KCNN2: variants seen among roughly 807,000 people sequenced by gnomAD.
KCNN2 encodes the protein potassium calcium-activated channel subfamily N member 2.
Under a neutral mutation model 55.5 loss-of-function variants are expected in KCNN2, and 24 were observed. The ratio of observed to expected loss-of-function variants is 0.43; its 90% confidence interval spans 0.31 to 0.61. The LOEUF is 0.61. Ranked by LOEUF, KCNN2 falls within the 20% of genes least tolerant of loss-of-function variation. The probability of loss-of-function intolerance (pLI) is 0.08; values close to 1 mark genes in which losing one functional copy is unlikely to be tolerated. For synonymous variants in KCNN2, 431 were observed against 336.1 expected, an observed-to-expected ratio of 1.28 and a Z score of -3.09; for missense variants, 754 against 853.6, an observed-to-expected ratio of 0.88 and a Z score of 1.45.
intron 2 of KCNN2, among the ~76,000 whole-genome samples, chr5:114,373,776 C>T (rs1757847815): frequency 6.8e-6 from 1 of 146,948 alleles, no homozygotes; most frequent in Admixed American, 6.9e-5. Flanking sequence ...AGCTCAGCTT[C>T]TCTGGGCTTT....
chr5:114,484,510 T>A (rs1762366136), intron 5 of KCNN2, among the ~76,000 whole-genome samples: 1 of 152,204 alleles, frequency 6.6e-6, no homozygotes, highest in African/African-American at 2.4e-5. Context: ...TCCCCATTTT[T>A]CCTGGAAGTT....
intron 1 of KCNN2, among the ~76,000 whole-genome samples, chr5:114,065,592 AGTCTTGACTG>A (rs1750428002): frequency 6.6e-6 from 1 of 152,218 alleles, no homozygotes; most frequent in African/African-American, 2.4e-5. Flanking sequence ...ATGCAATATT[AGTCTTGACTG>A]GTCTTTTCCC....
intron 1 of KCNN2, among the ~76,000 whole-genome samples, chr5:114,189,253 C>A (rs192889272): frequency 6.6e-6 from 1 of 151,770 alleles, no homozygotes; most frequent in Non-Finnish European, 1.5e-5. Flanking sequence ...GGCAGAGACC[C>A]AGGAGAGTCA....
chr5:114,421,766 T>G (rs1759478263), intron 3 of KCNN2, among the ~76,000 whole-genome samples: 1 of 151,976 alleles, frequency 6.6e-6, no homozygotes, highest in African/African-American at 2.4e-5. Flanking sequence ...CCCGCCACCA[T>G]GCCCAGCTAA....
intron 2 of KCNN2, among the ~76,000 whole-genome samples, chr5:114,258,554 C>T (rs1302324464): frequency 6.6e-6 from 1 of 151,932 alleles, no homozygotes; most frequent in Non-Finnish European, 1.5e-5. Flanking sequence ...TCTATTTCTT[C>T]CTGGTTCAAT....
At chr5:114,088,907 C>CTT (rs1294065382) in intron 1 of KCNN2, among the ~76,000 whole-genome samples, 3 of 152,348 alleles carry the variant, frequency 2.0e-5, no homozygotes, top group Admixed American at 6.5e-5. Flanking sequence ...AGGCGTGAGC[C>CTT]ACTGCGCCCA....
chr5:114,131,514 T>G (rs1057369404), intron 1 of KCNN2, among the ~76,000 whole-genome samples: 2 of 152,232 alleles, frequency 1.3e-5, no homozygotes, highest in African/African-American at 4.8e-5. Context: ...CACATTTTAT[T>G]TATCCAGTGT....
chr5:114,292,718 A>G (rs1264910011), intron 2 of KCNN2, among the ~76,000 whole-genome samples: 1 of 152,144 alleles, frequency 6.6e-6, no homozygotes, highest in African/African-American at 2.4e-5. Context: ...GTTTTTTCCA[A>G]TTCTGGGAAG....
chr5:114,080,185 C>G (rs532904545), intron 1 of KCNN2, among the ~76,000 whole-genome samples: 3 of 152,102 alleles, frequency 2.0e-5, no homozygotes, highest in African/African-American at 7.2e-5. Flanking sequence ...AATATTCTAC[C>G]GAATGGTTGT....
At chr5:114,448,698 G>T (rs922248834) in intron 3 of KCNN2, among the ~76,000 whole-genome samples, 1 of 152,188 alleles carries the variant, frequency 6.6e-6, no homozygotes, top group African/African-American at 2.4e-5. Context: ...ATAATGCAAT[G>T]ACATTCAGGA....
chr5:114,451,854 G>A lies in KCNN2; in HGVS notation c.1638-11195G>A, dbSNP rs183183148. On this transcript the variant is annotated intron_variant, in intron 3 of 7. Transcript: ENST00000673685. ...GGAGCTTGCAGTGAGCCAAGATCACGCCACTACACTCCAGCCTGGGTGACA... is the reference window on the plus strand; with the variant it reads ...GGAGCTTGCAGTGAGCCAAGATCACACCACTACACTCCAGCCTGGGTGACA... Among the ~76,000 whole-genome samples the A allele has an allele frequency of 3.4e-3, 509 of 149,850 alleles. 4 individuals are homozygous for A. Among genetic ancestry groups the A allele is most frequent in the Middle Eastern group, 0.014 (4 of 292 alleles).
At chr5:114,230,387 C>A (rs577617569) in intron 2 of KCNN2, among the ~76,000 whole-genome samples, 3,352 of 138,834 alleles carry the variant, frequency 0.024, 128 homozygotes, top group African/African-American at 0.085. Context: ...CACCCACTAA[C>A]TCGTCATCTA....
intron 1 of KCNN2, among the ~76,000 whole-genome samples, chr5:114,141,017 G>A (rs920462480): frequency 1.3e-5 from 2 of 151,872 alleles, no homozygotes; most frequent in African/African-American, 4.8e-5. Context: ...TCGAACTCTT[G>A]ACCTAGTGAT....
chr5:114,158,570 T>C (rs1397932301), intron 1 of KCNN2, among the ~76,000 whole-genome samples: 1 of 152,022 alleles, frequency 6.6e-6, no homozygotes, highest in African/African-American at 2.4e-5. Context: ...GGGGATGGCA[T>C]TGAATCTATA....
chr5:114,195,546 C>T (rs535892678), intron 1 of KCNN2, among the ~76,000 whole-genome samples: 1 of 151,994 alleles, frequency 6.6e-6, no homozygotes, highest in East Asian at 1.9e-4. Flanking sequence ...TTGAACTTTG[C>T]TGAACTTTTT....
rs1050994233 is a variant in KCNN2 at position 114,256,967 on chromosome 5, G to C, written c.-185+35402G>C. Among the ~76,000 whole-genome samples, 3 of 152,028 alleles carry C rather than the reference G, an allele frequency of 2.0e-5. No homozygotes were observed. In the South Asian group the frequency reaches 6.2e-4, roughly 32 times the overall value. ...CAATGTCCCAAAGAGATTTTCCTAA[G>C]TTTTCTTCTAGGACTTTAATAGTTT... On this transcript the variant is annotated intron_variant, in intron 2 of 10. Coordinates refer to the KCNN2 transcript ENST00000512097.
intron 2 of KCNN2, among the ~76,000 whole-genome samples, chr5:114,400,607 T>C (rs947977927): frequency 5.3e-5 from 8 of 152,232 alleles, no homozygotes; most frequent in Non-Finnish European, 1.2e-4. Context: ...CTGGTCCCAG[T>C]TAGTCTCTTC....
chr5:114,191,966 C>CT (rs1443795708), intron 1 of KCNN2, among the ~76,000 whole-genome samples: 1 of 152,114 alleles, frequency 6.6e-6, no homozygotes, highest in Non-Finnish European at 1.5e-5. Context: ...TCACATTTAA[C>CT]TAAGTTCACA....
At chr5:114,079,991 C>G (rs1345049389) in intron 1 of KCNN2, among the ~76,000 whole-genome samples, 1 of 152,134 alleles carries the variant, frequency 6.6e-6, no homozygotes, top group Non-Finnish European at 1.5e-5. Flanking sequence ...TGGCTTCCCT[C>G]TTACTCTCCT....
Sources: gnomAD v4.1 joint callset for allele counts (sites outside exome capture counted in the v4.1 genomes callset) on GRCh38, gnomAD v4.1.1 for gene constraint, MANE v1.5 for transcripts, NCBI Gene and HGNC (gene_info 2026-07-23, HGNC 2026-07-21) for gene names.